Variants in NOS1AP observed in about 807,000 individuals in gnomAD.
The protein encoded by NOS1AP is nitric oxide synthase 1 adaptor protein, also known as carboxyl-terminal PDZ ligand of neuronal nitric oxide synthase protein.
A neutral mutation model predicts 56.2 loss-of-function variants in NOS1AP; 21 were observed. The observed-to-expected ratio is 0.37, with a 90% confidence interval of 0.26 to 0.54. NOS1AP has a LOEUF of 0.54. Among genes scored for constraint, NOS1AP ranks in the 20% least tolerant of loss-of-function variants. The probability of loss-of-function intolerance (pLI) is 0.84; values close to 1 mark genes in which losing one functional copy is unlikely to be tolerated. For synonymous variants in NOS1AP, 270 were observed against 274.6 expected (o/e 0.98, Z 0.17); for missense variants, 522 against 657.8 (o/e 0.79, Z 2.26).
chr1:162,228,793 A>G (rs1340671953), intron 2 of NOS1AP, among the ~76,000 whole-genome samples: 3 of 152,234 alleles, frequency 2.0e-5, no homozygotes, highest in Admixed American at 6.5e-5. Flanking sequence ...TTCAAATACA[A>G]TGTCTGGCAG....
intron 2 of NOS1AP, among the ~76,000 whole-genome samples, chr1:162,176,312 C>T (rs1355602896): frequency 3.9e-5 from 6 of 152,128 alleles, no homozygotes; most frequent in African/African-American, 1.4e-4. Context: ...CACTGTGCTT[C>T]ATCTATTTAA....
At chr1:162,166,847 G>T (rs1008089735) in intron 2 of NOS1AP, among the ~76,000 whole-genome samples, 1 of 152,164 alleles carries the variant, frequency 6.6e-6, no homozygotes, top group Non-Finnish European at 1.5e-5. Flanking sequence ...GTTGCATGGT[G>T]ACTGGGCCCA....
chr1:162,325,527 G>T (rs1050296628), intron 4 of NOS1AP, among the ~76,000 whole-genome samples: 1 of 152,074 alleles, frequency 6.6e-6, no homozygotes, highest in African/African-American at 2.4e-5. Flanking sequence ...TCCCTCTAAG[G>T]ATAACACATT....
chr1:162,243,487 C>T (rs1653562391), intron 2 of NOS1AP, among the ~76,000 whole-genome samples: 1 of 152,164 alleles, frequency 6.6e-6, no homozygotes, highest in African/African-American at 2.4e-5. Flanking sequence ...AACTATGGCC[C>T]TGACCTTATC....
intron 2 of NOS1AP, among the ~76,000 whole-genome samples, chr1:162,263,853 C>T (rs892912761): frequency 1.3e-5 from 2 of 152,224 alleles, no homozygotes; most frequent in Non-Finnish European, 2.9e-5. Flanking sequence ...AATCCGGTGA[C>T]TGGGACCACC....
chr1:162,103,625 G>A (rs1364830188), intron 1 of NOS1AP, among the ~76,000 whole-genome samples: 2 of 152,114 alleles, frequency 1.3e-5, no homozygotes. Flanking sequence ...CCTGTATTGG[G>A]TGCATATATA....
At chr1:162,206,136 A>C (rs1652155881) in intron 2 of NOS1AP, among the ~76,000 whole-genome samples, 1 of 152,216 alleles carries the variant, frequency 6.6e-6, no homozygotes, top group African/African-American at 2.4e-5. Flanking sequence ...GAAAAGAGGA[A>C]AATGTGTGTG....
intron 2 of NOS1AP, among the ~76,000 whole-genome samples, chr1:162,202,578 A>T: frequency 6.6e-6 from 1 of 152,130 alleles, no homozygotes; most frequent in East Asian, 1.9e-4. Flanking sequence ...TGGGCCATTA[A>T]GTTTATGTCA....
At chr1:162,130,733 C>T (rs539531099) in intron 1 of NOS1AP, among the ~76,000 whole-genome samples, 2 of 152,324 alleles carry the variant, frequency 1.3e-5, no homozygotes, top group South Asian at 4.1e-4. Context: ...AGGCAGATGA[C>T]ACATCAGTTT....
chr1:162,194,836 A>G (rs1651755323), intron 2 of NOS1AP, among the ~76,000 whole-genome samples: 1 of 152,176 alleles, frequency 6.6e-6, no homozygotes, highest in Non-Finnish European at 1.5e-5. Context: ...TAGGAGAGCC[A>G]TTTGAAATTG....
intron 1 of NOS1AP, among the ~76,000 whole-genome samples, chr1:162,093,869 A>G (rs924039593): frequency 2.0e-5 from 3 of 152,334 alleles, no homozygotes; most frequent in African/African-American, 4.8e-5. Flanking sequence ...CATTACTGAA[A>G]AAAATTAAGC....
At chr1:162,251,751 G>C (rs545245389) in intron 2 of NOS1AP, among the ~76,000 whole-genome samples, 1 of 151,004 alleles carries the variant, frequency 6.6e-6, no homozygotes. Flanking sequence ...GCAGTGGTAT[G>C]ATCATGGCTC....
chr1:162,360,010 C>T (rs542420970), intron 8 of NOS1AP, among the ~76,000 whole-genome samples: 2 of 138,462 alleles, frequency 1.4e-5, no homozygotes, highest in Admixed American at 7.2e-5. Flanking sequence ...TTATGTCGTC[C>T]CCCCCCCACC....
At chr1:162,348,331 A>C (rs1422402760) in intron 6 of NOS1AP, among the ~76,000 whole-genome samples, 1 of 152,178 alleles carries the variant, frequency 6.6e-6, no homozygotes, top group African/African-American at 2.4e-5. Context: ...AAATGAGGTG[A>C]GACTGGGAGG....
chr1:162,209,084 A>G (rs1458087350), intron 2 of NOS1AP, among the ~76,000 whole-genome samples: 7 of 152,264 alleles, frequency 4.6e-5, no homozygotes, highest in Middle Eastern at 3.2e-3. Context: ...ACAATTGATT[A>G]AAAGAATAAG....
chr1:162,292,496 A>G (rs1287145743), intron 3 of NOS1AP, among the ~76,000 whole-genome samples: 1 of 152,220 alleles, frequency 6.6e-6, no homozygotes. Flanking sequence ...GGTAGATACC[A>G]TTCTTATGAT....
At chr1:162,264,406 T>C (rs5020243) in intron 2 of NOS1AP, among the ~76,000 whole-genome samples, 77,266 of 91,044 alleles carry the variant, frequency 0.85, 32,090 homozygotes, top group East Asian at 0.94. Flanking sequence ...CCCTCTCCTC[T>C]TCTCTTCCCT....
chr1:162,134,821 A>G (rs534318113), intron 1 of NOS1AP, among the ~76,000 whole-genome samples: 5 of 152,266 alleles, frequency 3.3e-5, no homozygotes, highest in East Asian at 1.9e-4. Context: ...TCGTGGCTCA[A>G]AACCCTTAGG....
intron 1 of NOS1AP, among the ~76,000 whole-genome samples, chr1:162,099,300 G>C (rs10918675): frequency 0.12 from 17,608 of 151,290 alleles, 2,270 homozygotes; most frequent in African/African-American, 0.32. Context: ...CCATTCTCCT[G>C]CCTCAGCCTC....
Sources: gnomAD v4.1 joint callset for allele counts (sites outside exome capture counted in the v4.1 genomes callset) on GRCh38, gnomAD v4.1.1 for gene constraint, MANE v1.5 for transcripts, NCBI Gene and HGNC (gene_info 2026-07-23, HGNC 2026-07-21) for gene names.